The following SEMA5A variants were observed in gnomAD, a reference collection of about 807,000 sequenced individuals.
The protein encoded by SEMA5A is semaphorin-5A.
SEMA5A carries 55 observed loss-of-function variants against 135.5 expected under a neutral mutation model. The observed-to-expected ratio is 0.41, with a 90% CI of 0.33 to 0.51. The LOEUF (loss-of-function observed/expected upper bound fraction) is 0.51. Among genes scored for constraint, SEMA5A ranks in the 20% least tolerant of loss-of-function variants. SEMA5A has a pLI of 0.37. For synonymous variants in SEMA5A, 580 were observed against 546.5 expected, an observed-to-expected ratio of 1.06 and a Z score of -0.85; for missense variants, 1,290 against 1,419.9, an observed-to-expected ratio of 0.91 and a Z score of 1.47.
chr5:9,314,216 T>C (rs1394941982), intron 5 of SEMA5A, among the ~76,000 whole-genome samples: 1 of 152,144 alleles, frequency 6.6e-6, no homozygotes, highest in Non-Finnish European at 1.5e-5. Flanking sequence ...ATGTAATAAT[T>C]GAAAGCACAC....
intron 12 of SEMA5A, among the ~76,000 whole-genome samples, chr5:9,150,811 G>C (rs1180867866): frequency 1.3e-5 from 2 of 152,130 alleles, no homozygotes; most frequent in South Asian, 4.1e-4. Context: ...TAACGGGAAG[G>C]GGGTTGAGCC....
At position 9,391,113 on chromosome 5, in the gene SEMA5A, A is replaced by C. The variant is rs971817675; in HGVS notation, c.-77-11090T>G. On this transcript the variant is annotated intron_variant, in intron 2 of 22. Transcript: ENST00000382496. ...GACACACAGGTCATCCAGCTGAAGAAATAAGCTGATGATTTATTCCTACTA... is the reference window on the plus strand; with the variant it reads ...GACACACAGGTCATCCAGCTGAAGACATAAGCTGATGATTTATTCCTACTA... 3 of 152,222 alleles carry C rather than the reference A, an allele frequency of 2.0e-5. No individual in the cohort carries two copies. In the East Asian group the frequency reaches 5.8e-4, roughly 29 times the overall value. The allele number at this position is 152,222 out of a possible 1,614,324, so 9.4% of individuals were successfully genotyped here. A position where few individuals can be genotyped will look rare whatever the true frequency, so the allele number is the denominator to read the frequency against.
At chr5:9,420,295 G>T (rs1757421177) in intron 2 of SEMA5A, among the ~76,000 whole-genome samples, 1 of 151,974 alleles carries the variant, frequency 6.6e-6, no homozygotes, top group South Asian at 2.1e-4. Flanking sequence ...TAAAAAGTTA[G>T]GCATTTACCA....
intron 8 of SEMA5A, 143 bp from the exon 9 acceptor site, chr5:9,202,383 A>G: frequency 1.5e-6 from 1 of 655,612 alleles, no homozygotes; most frequent in Non-Finnish European, 2.4e-6. Context: ...AGGCCCCGTG[A>G]GCAGCTTAAT....
chr5:9,342,614 G>C (rs1370619204), intron 3 of SEMA5A, among the ~76,000 whole-genome samples: 2 of 152,156 alleles, frequency 1.3e-5, no homozygotes, highest in Non-Finnish European at 2.9e-5. Flanking sequence ...AAATACAAGT[G>C]CATATCACAG....
chr5:9,310,687 G>A (rs1357455947), intron 5 of SEMA5A, among the ~76,000 whole-genome samples: 1 of 151,346 alleles, frequency 6.6e-6, no homozygotes, highest in Non-Finnish European at 1.5e-5. Flanking sequence ...ATTATAAATT[G>A]CCTCAATTTA....
chr5:9,171,877 G>A (rs1003234068), intron 11 of SEMA5A, among the ~76,000 whole-genome samples: 12 of 152,114 alleles, frequency 7.9e-5, no homozygotes, highest in Non-Finnish European at 1.0e-4. Flanking sequence ...GCACAGAAAC[G>A]GCTCTAATTC....
At chr5:9,094,873 G>A (rs1466972625) in intron 16 of SEMA5A, among the ~76,000 whole-genome samples, 1 of 152,104 alleles carries the variant, frequency 6.6e-6, no homozygotes, top group East Asian at 1.9e-4. Context: ...ATAAAATACT[G>A]TAGGAATGTG....
chr5:9,254,279 C>A (rs1182834457), intron 5 of SEMA5A, among the ~76,000 whole-genome samples: 2 of 152,018 alleles, frequency 1.3e-5, no homozygotes, highest in Non-Finnish European at 2.9e-5. Flanking sequence ...AATTGTAATA[C>A]AAGTTGAGAA....
chr5:9,343,899 A>C (rs1019616122), intron 3 of SEMA5A, among the ~76,000 whole-genome samples: 5 of 152,154 alleles, frequency 3.3e-5, no homozygotes, highest in African/African-American at 9.7e-5. Flanking sequence ...TGTACCCCCA[A>C]AATAAGATAC....
intron 9 of SEMA5A, among the ~76,000 whole-genome samples, chr5:9,197,785 T>TGTGTGTGTGTGTGTGTATGTG (rs1561011433): frequency 2.5e-5 from 3 of 117,862 alleles, no homozygotes; most frequent in African/African-American, 8.3e-5. Context: ...TGTGTGTGTG[T>TGTGTGTGTGTGTGTGTATGTG]TTTAACCCAG....
intron 1 of SEMA5A, among the ~76,000 whole-genome samples, chr5:9,538,410 A>G (rs1737896606): frequency 6.6e-6 from 1 of 152,150 alleles, no homozygotes; most frequent in Admixed American, 6.5e-5. Flanking sequence ...CCTTGCTAAG[A>G]AAGTGTACAA....
intron 16 of SEMA5A, among the ~76,000 whole-genome samples, chr5:9,095,283 G>A (rs253639): frequency 0.54 from 82,725 of 151,918 alleles, 24,329 homozygotes; most frequent in African/African-American, 0.79. Flanking sequence ...GCATTAGGAG[G>A]AACACCTAAT....
chr5:9,167,874 T>G (rs1743700892), intron 11 of SEMA5A, among the ~76,000 whole-genome samples: 1 of 152,172 alleles, frequency 6.6e-6, no homozygotes, highest in African/African-American at 2.4e-5. Flanking sequence ...GTCAGTTGAG[T>G]CTTAGTGAAT....
Position 9,108,303 on chromosome 5 carries a change from C to A in SEMA5A, c.1926-16G>T. On this transcript the variant is annotated splice_polypyrimidine_tract_variant and intron_variant, in intron 15 of 22. Coordinates refer to ENST00000382496, the MANE Select transcript of SEMA5A (RefSeq NM_003966.3). ...ATTGCAGTATCTGTAATGAGGAAAC[C>A]AAAATGACAAGGAAACTAATTAGTG... 2 of 1,612,640 alleles carry A rather than the reference C, an allele frequency of 1.2e-6. No individual in the cohort carries two copies. The highest frequency in any genetic ancestry group is 1.7e-6 in the Non-Finnish European group (2 of 1,179,034).
intron 3 of SEMA5A, among the ~76,000 whole-genome samples, chr5:9,376,382 T>C (rs1400047684): frequency 6.6e-6 from 1 of 152,186 alleles, no homozygotes; most frequent in Non-Finnish European, 1.5e-5. Flanking sequence ...TGGAAACCTC[T>C]CCTTTCATAA....
intron 4 of SEMA5A, among the ~76,000 whole-genome samples, chr5:9,332,226 G>A (rs571641444): frequency 2.7e-4 from 41 of 151,474 alleles, no homozygotes; most frequent in South Asian, 1.0e-3. Flanking sequence ...CTCACATTGC[G>A]TCAGGTGTGT....
intron 2 of SEMA5A, among the ~76,000 whole-genome samples, chr5:9,428,555 G>A (rs1282213503): frequency 6.6e-6 from 1 of 152,126 alleles, no homozygotes; most frequent in Non-Finnish European, 1.5e-5. Flanking sequence ...ACATCTCATA[G>A]ATAACCATTA....
rs575350542 is a variant in SEMA5A at position 9,258,730 on chromosome 5, T to A, written c.271-20840A>T. ...TACAAATAGCATTTAATCCAGTGTC[T>A]GCACATAGTAAGCCTGTGATATTGT... On this transcript the variant is annotated intron_variant, in intron 5 of 22. Transcript: ENST00000382496. 1.0e-3 allele frequency among the ~76,000 whole-genome samples: 157 copies of A among 151,666 alleles called. 3 individuals are homozygous for A. Among genetic ancestry groups the A allele is most frequent in the Admixed American group, 3.5e-3 (53 of 15,238 alleles).
Sources: gnomAD v4.1 joint callset for allele counts (sites outside exome capture counted in the v4.1 genomes callset) on GRCh38, gnomAD v4.1.1 for gene constraint, MANE v1.5 for transcripts, NCBI Gene and HGNC (gene_info 2026-07-23, HGNC 2026-07-21) for gene names.